Variants in ESR2 observed in about 807,000 individuals in gnomAD.
The protein encoded by ESR2 is estrogen receptor beta.
A neutral mutation model predicts 49.6 loss-of-function variants in ESR2; 36 were observed. That is an observed-to-expected ratio of 0.73 (90% CI 0.56 to 0.96). The LOEUF (loss-of-function observed/expected upper bound fraction) is 0.96, where lower values mean the gene tolerates loss of function less well. Among genes scored for constraint, ESR2 ranks in the 40% least tolerant of loss-of-function variants. The pLI is 0.00. For synonymous variants in ESR2, 320 were observed against 266.1 expected (o/e 1.20, Z -1.97); for missense variants, 714 against 693.0 (o/e 1.03, Z -0.34).
chr14:64,234,267 GCCT>G (rs1302957269), intron 8 of ESR2: 16 of 152,574 alleles, frequency 1.0e-4, no homozygotes, highest in African/African-American at 3.4e-4. Context: ...CTCTAGACTT[GCCT>G]CCTCAGTGAC....
intron 1 of ESR2, among the ~76,000 whole-genome samples, chr14:64,286,567 G>C (rs1490696916): frequency 1.3e-5 from 2 of 152,080 alleles, no homozygotes; most frequent in African/African-American, 4.8e-5. Flanking sequence ...CTCCCAAAGT[G>C]CTGGGATTAC....
At chr14:64,331,841 AAAAG>A (rs1159590081) in intron 1 of ESR2, among the ~76,000 whole-genome samples, 54 of 147,092 alleles carry the variant, frequency 3.7e-4, no homozygotes, top group Admixed American at 2.7e-3. Context: ...AAAAAAAAAA[AAAAG>A]AATCCTTTGC....
In ESR2 at chr14:64,281,230, G is replaced by A. The variant is rs532050867; in HGVS notation, c.363-1077C>T. ...ACAGGCAAGAGGTTCATAAAGGAAC[G>A]AAAAGTCTAACAAGGGATCCCCAGG... On this transcript the variant is annotated intron_variant, in intron 2 of 8. Coordinates refer to ENST00000341099, the MANE Select transcript of ESR2 (RefSeq NM_001437.3). Among the ~76,000 whole-genome samples the A allele has an allele frequency of 1.4e-4, 21 of 152,238 alleles. No individual in the cohort carries two copies. The South Asian group carries it at 3.3e-3, about 24-fold the overall frequency.
intron 1 of ESR2, among the ~76,000 whole-genome samples, chr14:64,308,866 T>C (rs377220463): frequency 9.2e-5 from 14 of 152,078 alleles, no homozygotes; most frequent in African/African-American, 3.4e-4. Flanking sequence ...TAACCTCAAA[T>C]TCTTGACCTT....
chr14:64,268,489 A>G (rs918210062), intron 4 of ESR2, among the ~76,000 whole-genome samples: 4 of 152,176 alleles, frequency 2.6e-5, no homozygotes, highest in Non-Finnish European at 5.9e-5. Flanking sequence ...CTGTTTGAGG[A>G]TTCCAGTGGC....
In ESR2 at chr14:64,257,274, A is replaced by C; in HGVS notation, c.1043T>G (p.Ile348Ser). The change falls in exon 6 of 9, where the codon ATT (isoleucine) becomes AGT (serine). Residue 348 changes from isoleucine to serine, a missense_variant. Ile to Ser is a moderately radical substitution (Grantham distance 142). Coordinates refer to ENST00000341099, the MANE Select transcript of ESR2 (RefSeq NM_001437.3). ...VLMMGLMWRSIDHPGKLIFAP... is the reference protein window; with the variant it reads ...VLMMGLMWRSSDHPGKLIFAP... ...AAAGATGAGCTTGCCGGGGTGGTCA[A>C]TTGAGCGCCACATCAGCCCCATCAT... 6.2e-7 allele frequency: 1 copy of C among 1,614,168 alleles called. No homozygotes were observed.
rs1284985107 is a variant in ESR2, at chr14:64,282,504, G to A, written c.362+120C>T. The A allele has an allele frequency of 1.9e-5, 21 of 1,126,252 alleles. No homozygotes were observed. The East Asian group carries it at 4.8e-4, about 26-fold the overall frequency. 69.8% of individuals were successfully genotyped at this position (1,126,252 alleles called of 1,614,324 possible). A position where few individuals can be genotyped will look rare whatever the true frequency, so the allele number is the denominator to read the frequency against. On this transcript the variant is annotated intron_variant, in intron 2 of 8. Transcript: ENST00000341099. ...GCATCCTGTGTTTTGGGTGCTGTAAGTAAACTATGTAATTAATACAATAAA... is the reference window on the plus strand; with the variant it reads ...GCATCCTGTGTTTTGGGTGCTGTAAATAAACTATGTAATTAATACAATAAA...
At chr14:64,318,821 T>C (rs554624364) in intron 1 of ESR2, among the ~76,000 whole-genome samples, 3 of 152,214 alleles carry the variant, frequency 2.0e-5, no homozygotes, top group African/African-American at 7.2e-5. Flanking sequence ...GGCAGGCAGA[T>C]TGCTTAAGCC....
In ESR2 at chr14:64,283,010, C is replaced by T. The variant is rs1230192507; in HGVS notation, c.-25G>A. ...TGTCTTGAGATAACAGCTGAGAAAA[C>T]ACCTTGCAAGAAGAGGCACAAAGGT... On this transcript the variant is annotated 5_prime_UTR_variant, in exon 2 of 9. Transcript: ENST00000341099. 6.3e-7 allele frequency: 1 copy of T among 1,590,930 alleles called. No homozygotes were observed. Among genetic ancestry groups the T allele is most frequent in the Non-Finnish European group, 8.6e-7 (1 of 1,167,736 alleles).
chr14:64,242,397 G>C lies in ESR2; in HGVS notation c.1225+7149C>G, dbSNP rs138163611. 9.9e-3 allele frequency among the ~76,000 whole-genome samples: 1,275 copies of C among 128,750 alleles called. 27 individuals are homozygous for C. The highest frequency in any genetic ancestry group is 0.037 in the African/African-American group (1,211 of 32,586). 84.5% of individuals were successfully genotyped at this position (128,750 alleles called of 152,430 possible). Reference sequence around the variant, plus strand: ...GCACTCCAGCCTGGGCGGAGAGTGAGACTGTCTCAAAAAAAAAAAACAAAA... The same window carrying C: ...GCACTCCAGCCTGGGCGGAGAGTGACACTGTCTCAAAAAAAAAAAACAAAA... On this transcript the variant is annotated intron_variant, in intron 7 of 8. Transcript: ENST00000341099.
intron 1 of ESR2, chr14:64,301,588 G>C (rs897979616): frequency 1.3e-5 from 2 of 152,170 alleles, no homozygotes; most frequent in Non-Finnish European, 2.9e-5. Flanking sequence ...TTTCTACGGA[G>C]AGAACAGAGA....
rs142869176 is a variant in ESR2 at position 64,324,136 on chromosome 14, C to T, written c.-91+13762G>A. On this transcript the variant is annotated intron_variant, in intron 1 of 8. Transcript: ENST00000358599. ...ACCACCAATGATCTGCACCGCGCCG[C>T]CTGGTACCCTTATAGTCTCGAACAA... is the stretch of plus-strand genomic sequence containing the variant. 9.8e-5 allele frequency among the ~76,000 whole-genome samples: 15 copies of T among 152,320 alleles called. No homozygotes were observed. The East Asian group carries it at 2.9e-3, about 29-fold the overall frequency.
intron 1 of ESR2, among the ~76,000 whole-genome samples, chr14:64,301,175 C>T (rs1028982535): frequency 2.0e-5 from 3 of 152,188 alleles, no homozygotes; most frequent in African/African-American, 7.2e-5. Flanking sequence ...CTGCTGGTCT[C>T]CCTAAGACTT....
intron 3 of ESR2, among the ~76,000 whole-genome samples, chr14:64,276,831 T>C (rs2076567115): frequency 6.6e-6 from 1 of 152,136 alleles, no homozygotes. Flanking sequence ...AAGTGAAAAA[T>C]GATACAGAAC....
At chr14:64,258,484 C>T (rs1036024803) in intron 5 of ESR2, among the ~76,000 whole-genome samples, 1 of 152,186 alleles carries the variant, frequency 6.6e-6, no homozygotes, top group African/African-American at 2.4e-5. Flanking sequence ...TCTAGCTGTT[C>T]ACTTAATCTC....
chr14:64,314,644 G>A (rs1442974240), intron 1 of ESR2, among the ~76,000 whole-genome samples: 1 of 151,576 alleles, frequency 6.6e-6, no homozygotes, highest in Non-Finnish European at 1.5e-5. Flanking sequence ...TTGAGAGCCT[G>A]AGGCAGGCAG....
intron 4 of ESR2, among the ~76,000 whole-genome samples, chr14:64,267,168 C>T (rs554629806): frequency 3.6e-4 from 55 of 152,274 alleles, no homozygotes; most frequent in Non-Finnish European, 7.4e-4. Flanking sequence ...CGTGAGCCAC[C>T]GCACCCGGCC....
intron 3 of ESR2, among the ~76,000 whole-genome samples, chr14:64,273,964 T>A (rs189029515): frequency 2.5e-4 from 36 of 144,534 alleles, no homozygotes; most frequent in Admixed American, 2.2e-3. Context: ...TTTTGAGACC[T>A]GATCACACTC....
intron 3 of ESR2, among the ~76,000 whole-genome samples, chr14:64,274,730 T>G (rs1482904850): frequency 2.0e-5 from 3 of 152,198 alleles, no homozygotes; most frequent in Middle Eastern, 3.2e-3. Flanking sequence ...ACTTTTTAGA[T>G]GTAGGCACTT....
Sources: gnomAD v4.1 joint callset for allele counts (sites outside exome capture counted in the v4.1 genomes callset) on GRCh38, gnomAD v4.1.1 for gene constraint, MANE v1.5 for transcripts, NCBI Gene and HGNC (gene_info 2026-07-23, HGNC 2026-07-21) for gene names.